SLC14A2: variants seen among roughly 807,000 people sequenced by gnomAD.
SLC14A2 encodes urea transporter 2.
A neutral mutation model predicts 104.6 loss-of-function variants in SLC14A2; 91 were observed. That is an observed-to-expected ratio of 0.87 (90% CI 0.73 to 1.04). The LOEUF (loss-of-function observed/expected upper bound fraction) is 1.04. SLC14A2 is among the 50% of genes least tolerant of loss of function. The pLI is 0.00. For synonymous variants in SLC14A2, 476 were observed against 466.4 expected (o/e 1.02, Z -0.27); for missense variants, 1,189 against 1,156.0 (o/e 1.03, Z -0.41).
chr18:45,355,449 G>T (rs557619286), intron 1 of SLC14A2, among the ~76,000 whole-genome samples: 1 of 151,748 alleles, frequency 6.6e-6, no homozygotes, highest in South Asian at 2.1e-4. Context: ...ATGGTGGTGT[G>T]TGCCTGTAAT....
intron 2 of SLC14A2, among the ~76,000 whole-genome samples, chr18:45,597,308 C>A (rs960609495): frequency 6.6e-6 from 1 of 150,720 alleles, no homozygotes; most frequent in African/African-American, 2.5e-5. Context: ...GCCTGGGCAA[C>A]AAGAGTGAAA....
At chr18:45,290,423 A>T (rs2084858067) in intron 1 of SLC14A2, among the ~76,000 whole-genome samples, 1 of 152,216 alleles carries the variant, frequency 6.6e-6, no homozygotes, top group African/African-American at 2.4e-5. Context: ...TTTCAGAGGC[A>T]TTTGATGGGT....
At chr18:45,175,723 CTTA>C in the SLC14A2 span, among the ~76,000 whole-genome samples, 1 of 152,078 alleles carries the variant, frequency 6.6e-6, no homozygotes, top group African/African-American at 2.4e-5. Context: ...GTGGTGCTGA[CTTA>C]TTATTGGGCC....
At chr18:45,252,601 A>G (rs1274045010) in intron 1 of SLC14A2, among the ~76,000 whole-genome samples, 2 of 152,234 alleles carry the variant, frequency 1.3e-5, no homozygotes, top group Non-Finnish European at 2.9e-5. Flanking sequence ...CCTTATTCTG[A>G]CAAGAACTTC....
chr18:45,630,729 G>T (rs1039895107), intron 4 of SLC14A2, among the ~76,000 whole-genome samples: 15 of 152,126 alleles, frequency 9.9e-5, no homozygotes, highest in African/African-American at 3.4e-4. Context: ...CCAAAACATG[G>T]ATTTCTGCTC....
intron 1 of SLC14A2, among the ~76,000 whole-genome samples, chr18:45,394,168 A>G (rs970070410): frequency 2.0e-5 from 3 of 152,170 alleles, no homozygotes; most frequent in African/African-American, 4.8e-5. Context: ...GGACCAATCA[A>G]TTGTTTGCAA....
chr18:45,175,815 A>G, the SLC14A2 span, among the ~76,000 whole-genome samples: 2 of 152,164 alleles, frequency 1.3e-5, no homozygotes, highest in Non-Finnish European at 2.9e-5. Flanking sequence ...TTGTTTGTTC[A>G]GGGGAGTAAA....
At chr18:45,509,551 A>T (rs1489444350) in intron 2 of SLC14A2, among the ~76,000 whole-genome samples, 1 of 152,234 alleles carries the variant, frequency 6.6e-6, no homozygotes, top group Non-Finnish European at 1.5e-5. Flanking sequence ...AGAAAAGCCC[A>T]GATATGGTTG....
chr18:45,563,595 C>G (rs2044231462), intron 2 of SLC14A2, among the ~76,000 whole-genome samples: 1 of 152,176 alleles, frequency 6.6e-6, no homozygotes. Flanking sequence ...GCTACCAACT[C>G]TCTGATCATC....
At chr18:45,226,034 G>T (rs868387323) in intron 1 of SLC14A2, among the ~76,000 whole-genome samples, 1 of 152,136 alleles carries the variant, frequency 6.6e-6, no homozygotes, top group Non-Finnish European at 1.5e-5. Flanking sequence ...CTTCTCAAAA[G>T]AAGACATTTA....
intron 1 of SLC14A2, among the ~76,000 whole-genome samples, chr18:45,280,567 G>A (rs2084752184): frequency 6.6e-6 from 1 of 152,070 alleles, no homozygotes; most frequent in Non-Finnish European, 1.5e-5. Flanking sequence ...TCTCCATTCT[G>A]GGTGATGTGT....
intron 1 of SLC14A2, among the ~76,000 whole-genome samples, chr18:45,444,813 G>A (rs140140906): frequency 6.6e-6 from 1 of 152,148 alleles, no homozygotes. Flanking sequence ...TTCTCTCAGG[G>A]AGCCTATGAG....
At chr18:45,373,199 C>T (rs910261156) in intron 1 of SLC14A2, among the ~76,000 whole-genome samples, 1 of 152,266 alleles carries the variant, frequency 6.6e-6, no homozygotes, top group African/African-American at 2.4e-5. Context: ...AGTGATAGTT[C>T]CTTATAACTC....
At chr18:45,180,465 T>C in the SLC14A2 span, among the ~76,000 whole-genome samples, 1 of 152,190 alleles carries the variant, frequency 6.6e-6, no homozygotes, top group Admixed American at 6.5e-5. Flanking sequence ...AGCACTGAAA[T>C]CATTCACTTA....
At chr18:45,493,470 A>G (rs2043036683) in intron 2 of SLC14A2, among the ~76,000 whole-genome samples, 3 of 151,990 alleles carry the variant, frequency 2.0e-5, no homozygotes, top group Admixed American at 2.0e-4. Flanking sequence ...AGCAACACCT[A>G]TAATAACAAC....
intron 1 of SLC14A2, among the ~76,000 whole-genome samples, chr18:45,344,762 T>C (rs966107207): frequency 4.2e-4 from 64 of 152,334 alleles, no homozygotes; most frequent in African/African-American, 1.1e-3. Flanking sequence ...TGTGCGTCAG[T>C]GGCATTACTG....
intron 1 of SLC14A2, among the ~76,000 whole-genome samples, chr18:45,356,994 G>GCTTCACTGGCCTCAT (rs2085560902): frequency 6.6e-6 from 1 of 152,174 alleles, no homozygotes; most frequent in Non-Finnish European, 1.5e-5. Context: ...GATGCAGCAG[G>GCTTCACTGGCCTCAT]CTTCACTGGC....
intron 1 of SLC14A2, among the ~76,000 whole-genome samples, chr18:45,443,220 A>G (rs1413915091): frequency 1.3e-5 from 2 of 152,212 alleles, no homozygotes; most frequent in Non-Finnish European, 2.9e-5. Context: ...AACTAATAGG[A>G]GAAGAGGCAT....
At chr18:45,356,314 GTT>G (rs2085553646) in intron 1 of SLC14A2, among the ~76,000 whole-genome samples, 1 of 152,162 alleles carries the variant, frequency 6.6e-6, no homozygotes, top group Admixed American at 6.5e-5. Context: ...GAACAGCCTT[GTT>G]TTCTATGACA....
Sources: allele counts gnomAD v4.1 joint callset (sites outside exome capture counted in the v4.1 genomes callset), GRCh38; gene constraint gnomAD v4.1.1; transcripts MANE v1.5; gene names NCBI Gene and HGNC (gene_info 2026-07-23, HGNC 2026-07-21).